FGGY: variants seen among roughly 807,000 people sequenced by gnomAD.
The protein encoded by FGGY is FGGY carbohydrate kinase domain containing, also known as FGGY carbohydrate kinase domain-containing protein.
Under a neutral mutation model 71.3 loss-of-function variants are expected in FGGY, and 72 were observed. The observed-to-expected ratio is 1.01, with a 90% CI of 0.84 to 1.23. FGGY has a LOEUF of 1.23. Ranked by LOEUF, FGGY falls within the 50% of genes most tolerant of loss-of-function variation. The pLI is 0.00. For synonymous variants in FGGY, 251 were observed against 250.3 expected (o/e 1.00, Z -0.02); for missense variants, 668 against 682.3 (o/e 0.98, Z 0.23).
intron 6 of FGGY, among the ~76,000 whole-genome samples, chr1:59,476,215 C>T (rs2093258663): frequency 6.6e-6 from 1 of 152,232 alleles, no homozygotes; most frequent in Non-Finnish European, 1.5e-5. Context: ...CTCTCTTCTA[C>T]TCCAGCAGTA....
intron 14 of FGGY, among the ~76,000 whole-genome samples, chr1:59,684,269 A>G (rs2097527917): frequency 6.6e-6 from 1 of 152,224 alleles, no homozygotes; most frequent in Non-Finnish European, 1.5e-5. Context: ...TGGCTCAGCC[A>G]CTTACCTTGG....
Position 59,402,867 on chromosome 1 carries a change from G to C in FGGY, c.554+24030G>C, listed in dbSNP as rs186420419. ...CATGGAAAAGGCTTCATTCTTAGTA[G>C]AGCTCTGGAGTACCCATCAAGTCTG... On this transcript the variant is annotated intron_variant, in intron 5 of 15. Coordinates refer to ENST00000303721, the MANE Select transcript of FGGY (RefSeq NM_018291.5). Among the ~76,000 whole-genome samples the C allele has an allele frequency of 2.6e-3, 397 of 152,228 alleles. 3 individuals carry two copies. Among genetic ancestry groups the C allele is most frequent in the Non-Finnish European group, 4.0e-3 (269 of 67,998 alleles).
At chr1:59,568,879 T>C (rs2095928658) in intron 8 of FGGY, among the ~76,000 whole-genome samples, 1 of 152,110 alleles carries the variant, frequency 6.6e-6, no homozygotes, top group Admixed American at 6.5e-5. Context: ...TAAGTTAGTT[T>C]AAAGTGATAC....
At chr1:59,520,460 C>T (rs904249609) in intron 7 of FGGY, among the ~76,000 whole-genome samples, 1 of 152,294 alleles carries the variant, frequency 6.6e-6, no homozygotes, top group Admixed American at 6.5e-5. Context: ...CTAAATGTTA[C>T]TTTGTGGAAA....
At chr1:59,605,757 G>T (rs1156370041) in intron 8 of FGGY, among the ~76,000 whole-genome samples, 1 of 152,024 alleles carries the variant, frequency 6.6e-6, no homozygotes, top group Non-Finnish European at 1.5e-5. Flanking sequence ...AGAGAACCGG[G>T]GTAGCTGAGG....
At chr1:59,465,031 G>A (rs1320811557) in intron 6 of FGGY, among the ~76,000 whole-genome samples, 7 of 152,170 alleles carry the variant, frequency 4.6e-5, no homozygotes, top group Admixed American at 3.9e-4. Context: ...GCATCATCCT[G>A]ATACCAATGC....
Position 59,535,491 on chromosome 1 carries a change from A to T in FGGY, c.800-18633A>T, listed in dbSNP as rs549865271. On this transcript the variant is annotated intron_variant, in intron 7 of 15. Coordinates refer to ENST00000303721, the MANE Select transcript of FGGY (RefSeq NM_018291.5). Reference sequence around the variant, plus strand: ...TCTGCACCAAGGAGACCTAATAGACATCTACAGAACTCTCCACCCCAAATC... The same window carrying T: ...TCTGCACCAAGGAGACCTAATAGACTTCTACAGAACTCTCCACCCCAAATC... 5.3e-4 allele frequency among the ~76,000 whole-genome samples: 80 copies of T among 152,312 alleles called. 2 individuals are homozygous for T. In the East Asian group the frequency reaches 0.01, roughly 20 times the overall value.
chr1:59,379,194 G>C (rs56352665), intron 5 of FGGY, among the ~76,000 whole-genome samples: 47,837 of 146,732 alleles, frequency 0.33, 7,822 homozygotes, highest in East Asian at 0.42. Flanking sequence ...CACACACACA[G>C]AGTCACGCAT....
At chr1:59,501,606 T>A (rs182899333) in intron 6 of FGGY, among the ~76,000 whole-genome samples, 218 of 152,326 alleles carry the variant, frequency 1.4e-3, no homozygotes, top group Non-Finnish European at 2.6e-3. Flanking sequence ...AGTCAAGTAT[T>A]TTGCTGACAA....
At chr1:59,632,917 A>G (rs1338781328) in intron 10 of FGGY, among the ~76,000 whole-genome samples, 2 of 152,156 alleles carry the variant, frequency 1.3e-5, no homozygotes, top group Admixed American at 6.5e-5. Flanking sequence ...CCCCCATGGT[A>G]TACAAAGATA....
chr1:59,545,733 G>A (rs2095510485), intron 7 of FGGY, among the ~76,000 whole-genome samples: 1 of 152,160 alleles, frequency 6.6e-6, no homozygotes, highest in Admixed American at 6.5e-5. Context: ...AATACAACCA[G>A]CCTCTTGAAT....
At chr1:59,664,939 C>CAAA (rs34041597) in intron 12 of FGGY, among the ~76,000 whole-genome samples, 1 of 144,176 alleles carries the variant, frequency 6.9e-6, no homozygotes, top group African/African-American at 2.5e-5. Context: ...ATTCCCATGG[C>CAAA]AAAAAAAAAA....
intron 1 of FGGY, among the ~76,000 whole-genome samples, chr1:59,297,637 A>T (rs2042143675): frequency 6.6e-6 from 1 of 152,056 alleles, no homozygotes; most frequent in Non-Finnish European, 1.5e-5. Context: ...CCAGGCTAAC[A>T]CGGTGAAACC....
At chr1:59,635,726 G>A (rs1465518165) in intron 10 of FGGY, among the ~76,000 whole-genome samples, 1 of 152,196 alleles carries the variant, frequency 6.6e-6, no homozygotes, top group Non-Finnish European at 1.5e-5. Flanking sequence ...GGAAAACCAG[G>A]AGGTTATCAT....
At chr1:59,363,426 G>T (rs2055981652) in intron 4 of FGGY, among the ~76,000 whole-genome samples, 1 of 152,166 alleles carries the variant, frequency 6.6e-6, no homozygotes, top group Admixed American at 6.5e-5. Context: ...ACCTATATTT[G>T]TTCATTTGAT....
chr1:59,438,273 C>T (rs2068954605), intron 5 of FGGY, among the ~76,000 whole-genome samples: 1 of 152,156 alleles, frequency 6.6e-6, no homozygotes, highest in Admixed American at 6.5e-5. Context: ...GTTTGCAAAG[C>T]CTTTGCCCTT....
chr1:59,315,059 G>A (rs1463432748), intron 1 of FGGY, among the ~76,000 whole-genome samples: 1 of 152,180 alleles, frequency 6.6e-6, no homozygotes, highest in Non-Finnish European at 1.5e-5. Context: ...GGTCTCTCCA[G>A]TTGGTGACAG....
At chr1:59,420,435 A>G (rs1304854402) in intron 5 of FGGY, among the ~76,000 whole-genome samples, 3 of 152,198 alleles carry the variant, frequency 2.0e-5, no homozygotes, top group Non-Finnish European at 1.5e-5. Flanking sequence ...ACAGGGCTCT[A>G]TTACCTTGCC....
chr1:59,688,079 T>A (rs907238677), intron 14 of FGGY, among the ~76,000 whole-genome samples: 14 of 152,076 alleles, frequency 9.2e-5, no homozygotes, highest in African/African-American at 3.1e-4. Context: ...CCCAGCTGAG[T>A]TTGGCATTGA....
Sources: allele counts gnomAD v4.1 joint callset (sites outside exome capture counted in the v4.1 genomes callset), GRCh38; gene constraint gnomAD v4.1.1; transcripts MANE v1.5; gene names NCBI Gene and HGNC (gene_info 2026-07-23, HGNC 2026-07-21).